RALGAPA1: variants seen among roughly 807,000 people sequenced by gnomAD.
RALGAPA1 encodes the protein ral GTPase-activating protein subunit alpha-1.
A neutral mutation model predicts 269.6 loss-of-function variants in RALGAPA1; 52 were observed. The ratio of observed to expected loss-of-function variants is 0.19; its 90% CI spans 0.15 to 0.24. The LOEUF is 0.24. Ranked by LOEUF, RALGAPA1 falls within the 10% of genes least tolerant of loss-of-function variation. The pLI, the probability that RALGAPA1 is intolerant of heterozygous loss-of-function variation, is 1.00. For synonymous variants in RALGAPA1, 817 were observed against 1,008.3 expected (o/e 0.81, Z 3.60); for missense variants, 1,917 against 3,013.9 (o/e 0.64, Z 8.52).
At chr14:35,552,110 C>G (rs1275455779) in intron 39 of RALGAPA1, among the ~76,000 whole-genome samples, 1 of 151,844 alleles carries the variant, frequency 6.6e-6, no homozygotes, top group African/African-American at 2.4e-5. Context: ...TTGATGTAGC[C>G]AAATAAATAA....
At chr14:35,774,919 T>A in intron 3 of RALGAPA1, 87 bp downstream of exon 3, 1 of 809,802 alleles carries the variant, frequency 1.2e-6, no homozygotes, top group Non-Finnish European at 2.0e-6. Flanking sequence ...AGTGTTTCAT[T>A]ACATGTTTTA....
intron 9 of RALGAPA1, among the ~76,000 whole-genome samples, chr14:35,749,661 G>A (rs904350485): frequency 2.0e-5 from 3 of 151,984 alleles, no homozygotes; most frequent in Non-Finnish European, 2.9e-5. Flanking sequence ...GAGAATTTTC[G>A]CACTTAATAG....
chr14:35,655,937 A>G, intron 28 of RALGAPA1, 22 bp from the exon 29 acceptor site: 2 of 1,612,504 alleles, frequency 1.2e-6, no homozygotes, highest in Non-Finnish European at 1.7e-6. Flanking sequence ...GCAAACAACA[A>G]CGGTTACATA....
At chr14:35,782,116 C>G (rs2075475795) in intron 1 of RALGAPA1, among the ~76,000 whole-genome samples, 1 of 152,126 alleles carries the variant, frequency 6.6e-6, no homozygotes, top group African/African-American at 2.4e-5. Context: ...GACTGACAAA[C>G]AAGCTCAACT....
chr14:35,745,854 G>A (rs1461531720), intron 10 of RALGAPA1, among the ~76,000 whole-genome samples: 1 of 151,166 alleles, frequency 6.6e-6, no homozygotes, highest in Non-Finnish European at 1.5e-5. Context: ...GGAGGCCGAC[G>A]AGAGAGGATG....
chr14:35,630,980 T>C (rs1469299029), intron 33 of RALGAPA1, among the ~76,000 whole-genome samples: 1 of 152,192 alleles, frequency 6.6e-6, no homozygotes, highest in Non-Finnish European at 1.5e-5. Flanking sequence ...ACTAGATTAA[T>C]AACACTAAAT....
At chr14:35,562,346 C>T (rs907125477) in intron 39 of RALGAPA1, among the ~76,000 whole-genome samples, 2 of 152,132 alleles carry the variant, frequency 1.3e-5, no homozygotes, top group African/African-American at 4.8e-5. Flanking sequence ...GCTGCCTCCT[C>T]CTTGGAGGGG....
chr14:35,562,774 C>T (rs1322473716), intron 39 of RALGAPA1, among the ~76,000 whole-genome samples: 2 of 152,040 alleles, frequency 1.3e-5, no homozygotes, highest in African/African-American at 2.4e-5. Context: ...GTAATCCCAG[C>T]ACTTTGGGAG....
chr14:35,681,034 T>A (rs899361754), intron 21 of RALGAPA1, among the ~76,000 whole-genome samples: 7 of 152,238 alleles, frequency 4.6e-5, no homozygotes, highest in African/African-American at 1.7e-4. Context: ...AAAGAGGTTA[T>A]CTAATTTTCA....
At chr14:35,755,078 T>C (rs2073052858) in intron 7 of RALGAPA1, among the ~76,000 whole-genome samples, 2 of 152,134 alleles carry the variant, frequency 1.3e-5, no homozygotes, top group African/African-American at 2.4e-5. Flanking sequence ...AGGGGCATGG[T>C]GGCTCACGCC....
At chr14:35,719,245 G>T (rs2069149258) in intron 16 of RALGAPA1, among the ~76,000 whole-genome samples, 1 of 152,108 alleles carries the variant, frequency 6.6e-6, no homozygotes, top group Non-Finnish European at 1.5e-5. Context: ...AGAATCACTT[G>T]AACCCAGGAG....
intron 1 of RALGAPA1, among the ~76,000 whole-genome samples, chr14:35,808,121 T>C (rs1490026936): frequency 2.0e-5 from 3 of 152,202 alleles, no homozygotes; most frequent in African/African-American, 4.8e-5. Flanking sequence ...AAAAAAAATA[T>C]TTTTAATTAA....
At chr14:35,734,053 G>C (rs2070750890) in intron 12 of RALGAPA1, among the ~76,000 whole-genome samples, 1 of 152,134 alleles carries the variant, frequency 6.6e-6, no homozygotes, top group Non-Finnish European at 1.5e-5. Flanking sequence ...AGAAATCGCA[G>C]ATGACACAAA....
Position 35,797,843 on chromosome 14 carries a change from C to CAA in RALGAPA1, c.106+10885_106+10886dup, listed in dbSNP as rs200057234. ...CTGGGAAACGAGCAAAATTACATCT[C>CAA]AAAAAAAAAAAAAAATAGCTAAAAG... On this transcript the variant is annotated intron_variant, in intron 1 of 41. Coordinates refer to ENST00000680220, the MANE Select transcript of RALGAPA1 (RefSeq NM_001346249.2). Among the ~76,000 whole-genome samples, 54 of 118,246 alleles carry CAA rather than the reference C, an allele frequency of 4.6e-4. 1 individual carries two copies. Among genetic ancestry groups the CAA allele is most frequent in the Middle Eastern group, 4.5e-3 (1 of 220 alleles). The allele number at this position is 118,246 out of a possible 152,430, so 77.6% of individuals were successfully genotyped here.
Position 35,758,350 on chromosome 14 carries a change from G to A in RALGAPA1, c.548-1442C>T, listed in dbSNP as rs1595452656. On this transcript the variant is annotated intron_variant, in intron 6 of 41. Transcript: ENST00000680220. Reference sequence around the variant, plus strand: ...CCTGGACCACTGTCATCATACAGAAGAACACACTTTATGAAAGCTTTATTT... The same window carrying A: ...CCTGGACCACTGTCATCATACAGAAAAACACACTTTATGAAAGCTTTATTT... Among the ~76,000 whole-genome samples, 3 of 149,360 alleles carry A rather than the reference G, an allele frequency of 2.0e-5. No individual in the cohort carries two copies. The South Asian group carries it at 6.3e-4, about 32-fold the overall frequency.
chr14:35,704,545 T>C (rs1232931822), intron 16 of RALGAPA1, among the ~76,000 whole-genome samples: 1 of 152,168 alleles, frequency 6.6e-6, no homozygotes. Flanking sequence ...TTACAATTTC[T>C]ATCTGAAAAT....
At position 35,595,514 on chromosome 14, in the gene RALGAPA1, G is replaced by A. The variant is rs1262463531; in HGVS notation, c.7209+120C>T. 23 of 837,634 alleles carry A rather than the reference G, an allele frequency of 2.7e-5. 1 individual carries two copies. In the South Asian group the frequency reaches 2.9e-4, roughly 10 times the overall value. 51.9% of individuals were successfully genotyped at this position (837,634 alleles called of 1,614,324 possible). A position where few individuals can be genotyped will look rare whatever the true frequency, so the allele number is the denominator to read the frequency against. On this transcript the variant is annotated intron_variant, in intron 37 of 41. Transcript: ENST00000680220. ...CCCTATTTTCAAGACAGCACTGGGT[G>A]GAGTGGTGTACTACAACCAGAAACA... is the stretch of plus-strand genomic sequence containing the variant.
At chr14:35,608,983 T>C (rs957226997) in intron 35 of RALGAPA1, among the ~76,000 whole-genome samples, 1 of 152,146 alleles carries the variant, frequency 6.6e-6, no homozygotes, top group African/African-American at 2.4e-5. Flanking sequence ...TCCCAGCACT[T>C]TGGGAGGCTG....
chr14:35,576,632 G>A (rs1339852950), intron 37 of RALGAPA1, among the ~76,000 whole-genome samples: 1 of 152,012 alleles, frequency 6.6e-6, no homozygotes, highest in Admixed American at 6.6e-5. Flanking sequence ...TTTATTAAAG[G>A]TATTTATTAA....
Sources: gnomAD v4.1 joint callset for allele counts (sites outside exome capture counted in the v4.1 genomes callset) on GRCh38, gnomAD v4.1.1 for gene constraint, MANE v1.5 for transcripts, NCBI Gene and HGNC (gene_info 2026-07-23, HGNC 2026-07-21) for gene names.